Variants in PRTFDC1 observed in about 807,000 individuals in gnomAD.
The protein encoded by PRTFDC1 is phosphoribosyltransferase domain-containing protein 1.
A neutral mutation model predicts 34.6 loss-of-function variants in PRTFDC1; 38 were observed. The ratio of observed to expected loss-of-function variants is 1.10; its 90% CI spans 0.85 to 1.44. PRTFDC1 has a LOEUF of 1.44. PRTFDC1 is among the 40% of genes most tolerant of loss of function. The pLI is 0.00. For synonymous variants in PRTFDC1, 93 were observed against 98.1 expected (o/e 0.95, Z 0.31); for missense variants, 270 against 283.0 (o/e 0.95, Z 0.33).
chr10:24,908,728 C>T, intron 3 of PRTFDC1: 2 of 1,534,536 alleles, frequency 1.3e-6, no homozygotes, highest in South Asian at 1.2e-5. Context: ...AGGAAGGAGA[C>T]ACCTACCTAG....
chr10:24,849,996 T>A, intron 8 of PRTFDC1, 105 bp from the exon 9 acceptor site: 1 of 1,035,356 alleles, frequency 9.7e-7, no homozygotes, highest in Non-Finnish European at 1.5e-6. Flanking sequence ...TGGCTATTGA[T>A]CATTTAAATA....
chr10:24,856,569 G>A (rs1847580230), intron 6 of PRTFDC1, among the ~76,000 whole-genome samples: 1 of 152,138 alleles, frequency 6.6e-6, no homozygotes, highest in Admixed American at 6.5e-5. Flanking sequence ...GCCCAGCCTG[G>A]GCAACAGAGC....
intron 1 of PRTFDC1, among the ~76,000 whole-genome samples, chr10:24,947,439 A>T (rs998909833): frequency 6.6e-6 from 1 of 152,180 alleles, no homozygotes; most frequent in African/African-American, 2.4e-5. Flanking sequence ...TTTCAGTATC[A>T]CAGATAATAT....
At chr10:24,918,728 T>C (rs1848734381) in intron 3 of PRTFDC1, among the ~76,000 whole-genome samples, 1 of 152,196 alleles carries the variant, frequency 6.6e-6, no homozygotes, top group South Asian at 2.1e-4. Flanking sequence ...TCTGTCCTTT[T>C]TCAATAGACG....
chr10:24,864,115 G>A (rs759923912), intron 4 of PRTFDC1, among the ~76,000 whole-genome samples: 1 of 151,822 alleles, frequency 6.6e-6, no homozygotes, highest in South Asian at 2.1e-4. Context: ...AGATGTGACT[G>A]AATTGCTGTA....
chr10:24,885,674 G>A (rs1298536173), intron 3 of PRTFDC1, among the ~76,000 whole-genome samples: 1 of 152,176 alleles, frequency 6.6e-6, no homozygotes, highest in Non-Finnish European at 1.5e-5. Context: ...CCAAGTGCTG[G>A]GATTACAGGC....
chr10:24,876,456 GA>G (rs200770954), intron 3 of PRTFDC1, among the ~76,000 whole-genome samples: 287 of 152,252 alleles, frequency 1.9e-3, no homozygotes, highest in African/African-American at 6.2e-3. Flanking sequence ...AGCACTTTGG[GA>G]GGCCGAGGCA....
intron 7 of PRTFDC1, 42 bp downstream of exon 7, chr10:24,855,276 A>G: frequency 2.5e-6 from 4 of 1,570,952 alleles, no homozygotes; most frequent in Non-Finnish European, 3.5e-6. Context: ...CCATAAGCAC[A>G]AAACAAACAA....
intron 2 of PRTFDC1, among the ~76,000 whole-genome samples, chr10:24,938,692 C>T (rs144150335): frequency 5.6e-4 from 86 of 152,266 alleles, no homozygotes; most frequent in Non-Finnish European, 1.0e-3. Context: ...AGAACAGGGG[C>T]ACACAATAAG....
chr10:24,908,970 C>T (rs1848583350), intron 3 of PRTFDC1, among the ~76,000 whole-genome samples: 1 of 152,178 alleles, frequency 6.6e-6, no homozygotes, highest in Non-Finnish European at 1.5e-5. Context: ...TTCTGAGCCT[C>T]CGTTACCTTC....
intron 3 of PRTFDC1, among the ~76,000 whole-genome samples, chr10:24,917,702 C>T (rs1181215416): frequency 6.6e-6 from 1 of 152,102 alleles, no homozygotes; most frequent in Non-Finnish European, 1.5e-5. Context: ...AGATTGATGA[C>T]AGATGGATTT....
intron 3 of PRTFDC1, among the ~76,000 whole-genome samples, chr10:24,931,817 A>G (rs1055381695): frequency 2.6e-5 from 4 of 151,846 alleles, no homozygotes; most frequent in Non-Finnish European, 5.9e-5. Flanking sequence ...ATTCTACACA[A>G]ACTCTTCTGA....
At chr10:24,881,001 C>T (rs558799394) in intron 3 of PRTFDC1, among the ~76,000 whole-genome samples, 1 of 144,130 alleles carries the variant, frequency 6.9e-6, no homozygotes, top group South Asian at 2.3e-4. Context: ...TCCCTCCTTC[C>T]TTCCTTTCTC....
chr10:24,925,015 C>T (rs1848848401), intron 3 of PRTFDC1, among the ~76,000 whole-genome samples: 2 of 152,200 alleles, frequency 1.3e-5, no homozygotes, highest in East Asian at 1.9e-4. Flanking sequence ...AAGACACATG[C>T]ACACATATGT....
intron 3 of PRTFDC1, among the ~76,000 whole-genome samples, chr10:24,922,827 G>A (rs115450739): frequency 0.012 from 1,903 of 152,298 alleles, 43 homozygotes; most frequent in African/African-American, 0.043. Context: ...GGGGCAAGCC[G>A]AAGTGGGGTG....
At chr10:24,916,760 C>T (rs1021133745) in intron 3 of PRTFDC1, among the ~76,000 whole-genome samples, 4 of 152,092 alleles carry the variant, frequency 2.6e-5, no homozygotes, top group Non-Finnish European at 5.9e-5. Flanking sequence ...CTTCTTTTCT[C>T]GTTTTGTTTT....
At chr10:24,855,812 TA>T (rs1167055437) in intron 6 of PRTFDC1, among the ~76,000 whole-genome samples, 3 of 150,750 alleles carry the variant, frequency 2.0e-5, no homozygotes, top group Non-Finnish European at 4.4e-5. Flanking sequence ...AGATAAAATA[TA>T]AAAAAACTTT....
At position 24,926,822 on chromosome 10, in the gene PRTFDC1, C is replaced by T. The variant is rs1357186467; in HGVS notation, c.339+10362G>A. Among the ~76,000 whole-genome samples the T allele has an allele frequency of 2.6e-5, 4 of 152,330 alleles. No homozygotes were observed. In the East Asian group the frequency reaches 7.7e-4, roughly 29 times the overall value. ...GCTAAGTTGAGCACAGCTCTGTCCC[C>T]AGAGTGATCTCTCAACACTGGATTG... On this transcript the variant is annotated intron_variant, in intron 3 of 8. Transcript: ENST00000320152.
At chr10:24,893,214 G>C (rs1218183650) in intron 3 of PRTFDC1, among the ~76,000 whole-genome samples, 1 of 152,048 alleles carries the variant, frequency 6.6e-6, no homozygotes, top group African/African-American at 2.4e-5. Context: ...AATTAGATAG[G>C]CATGTATAGT....
Sources: gnomAD v4.1 joint callset for allele counts (sites outside exome capture counted in the v4.1 genomes callset) on GRCh38, gnomAD v4.1.1 for gene constraint, MANE v1.5 for transcripts, NCBI Gene and HGNC (gene_info 2026-07-23, HGNC 2026-07-21) for gene names.